Variants in SETD5 observed in about 807,000 individuals in gnomAD.
SETD5 encodes the protein histone-lysine N-methyltransferase SETD5.
In SETD5, 44 loss-of-function variants were observed where a neutral mutation model predicts 153.3. That is an observed-to-expected ratio of 0.29 (90% confidence interval 0.23 to 0.37). The LOEUF is 0.37. SETD5 is among the 10% of genes least tolerant of loss of function. The pLI is 1.00. For missense variants in SETD5, 1,544 were observed against 1,768.0 expected (o/e 0.87, Z 2.27); for synonymous variants, 716 against 645.2 (o/e 1.11, Z -1.66).
At chr3:9,412,400 T>TG (rs1270066735) in intron 1 of SETD5, among the ~76,000 whole-genome samples, 12 of 137,512 alleles carry the variant, frequency 8.7e-5, no homozygotes, top group Non-Finnish European at 1.4e-4. Context: ...TTTTTTTTTT[T>TG]TTTTTTTTTT....
intron 7 of SETD5, among the ~76,000 whole-genome samples, chr3:9,437,210 G>A (rs1257793555): frequency 6.6e-6 from 1 of 152,122 alleles, no homozygotes; most frequent in Non-Finnish European, 1.5e-5. Flanking sequence ...TAGGAGTGGA[G>A]TTTTTCTGGT....
At chr3:9,440,394 C>G (rs569195479) in intron 7 of SETD5, 62 bp from the exon 8 acceptor site, 2 of 877,026 alleles carry the variant, frequency 2.3e-6, no homozygotes, top group South Asian at 1.5e-5. Context: ...TGTCCCACCC[C>G]CATTCCCAAC....
At chr3:9,457,831 TC>T (rs2043450376) in intron 17 of SETD5, among the ~76,000 whole-genome samples, 1 of 151,110 alleles carries the variant, frequency 6.6e-6, no homozygotes, top group Non-Finnish European at 1.5e-5. Flanking sequence ...TATATATATT[TC>T]TTTCTCTTTC....
intron 1 of SETD5, among the ~76,000 whole-genome samples, chr3:9,415,379 T>C (rs2037256039): frequency 6.6e-6 from 1 of 152,122 alleles, no homozygotes; most frequent in South Asian, 2.1e-4. Flanking sequence ...TTTTTAATGC[T>C]TTAGATGACA....
At chr3:9,449,947 G>A (rs10514666) in intron 16 of SETD5, among the ~76,000 whole-genome samples, 2,006 of 152,276 alleles carry the variant, frequency 0.013, 73 homozygotes, top group Admixed American at 0.087. Context: ...GGTCCTTTAA[G>A]GAGTGTAGGC....
At chr3:9,399,250 T>C (rs2034323007) in intron 1 of SETD5, among the ~76,000 whole-genome samples, 1 of 152,228 alleles carries the variant, frequency 6.6e-6, no homozygotes, top group African/African-American at 2.4e-5. Context: ...TGCTGAGCTT[T>C]TTAGGAGAGT....
intron 14 of SETD5, 84 bp downstream of exon 14, chr3:9,447,391 T>G: frequency 6.6e-7 from 1 of 1,513,280 alleles, no homozygotes; most frequent in Non-Finnish European, 8.8e-7. Context: ...TTAAAATCAG[T>G]GTTTTCAGCT....
intron 19 of SETD5, 106 bp from the exon 20 acceptor site, chr3:9,473,130 G>C: frequency 7.4e-7 from 1 of 1,358,266 alleles, no homozygotes; most frequent in South Asian, 1.5e-5. Flanking sequence ...GGCTTGGCTA[G>C]TGGTTTACTA....
chr3:9,416,280 T>C (rs991991093), intron 1 of SETD5, among the ~76,000 whole-genome samples: 1 of 152,226 alleles, frequency 6.6e-6, no homozygotes, highest in Admixed American at 6.5e-5. Flanking sequence ...GCCGTCACTT[T>C]TGTGATATAA....
At chr3:9,437,545 G>GTC (rs1266237224) in intron 7 of SETD5, among the ~76,000 whole-genome samples, 1 of 151,776 alleles carries the variant, frequency 6.6e-6, no homozygotes, top group Non-Finnish European at 1.5e-5. Context: ...GTGTGTGTGT[G>GTC]TGTGTATAAA....
intron 13 of SETD5, among the ~76,000 whole-genome samples, chr3:9,446,402 A>T (rs1260422874): frequency 6.6e-6 from 1 of 151,624 alleles, no homozygotes; most frequent in Non-Finnish European, 1.5e-5. Context: ...TGAGTTCTGA[A>T]GTTTTTTTAA....
chr3:9,415,506 T>C (rs1158028523), intron 1 of SETD5, among the ~76,000 whole-genome samples: 1 of 152,210 alleles, frequency 6.6e-6, no homozygotes, highest in Non-Finnish European at 1.5e-5. Context: ...GATTTTATTT[T>C]GCTCAGTAAC....
Position 9,464,450 on chromosome 3 carries a change from G to A in SETD5, c.2502G>A (p.Trp834Ter). 1 of 1,612,040 alleles carries A rather than the reference G, an allele frequency of 6.2e-7. No homozygotes were observed. The change falls in exon 18 of 23, where the codon TGG becomes TGA. Residue 834 changes from tryptophan to a stop codon, truncating the protein, a stop_gained. Transcript: ENST00000402198. LOFTEE classifies it high-confidence loss of function. ...ACTTGTTGAGCCCATTAAAGAAATG[G>A]AAGTCTCGCTATCTGATGGAGCAGA... Reference protein sequence around the residue: ...NADLLSPLKKWKSRYLMEQNV... With the variant: ...NADLLSPLKK
intron 10 of SETD5, chr3:9,443,088 A>G: frequency 2.4e-6 from 1 of 416,888 alleles, no homozygotes; most frequent in Non-Finnish European, 4.4e-6. Context: ...CTAACATCTC[A>G]AGGTTTCTCC....
chr3:9,453,668 T>C, intron 16 of SETD5, 71 bp from the exon 17 acceptor site: 3 of 1,412,338 alleles, frequency 2.1e-6, no homozygotes, highest in Non-Finnish European at 2.9e-6. Context: ...CCAGTTGATG[T>C]ACATTTAAAA....
rs771164384 is a variant in SETD5 at position 9,473,495 on chromosome 3, C to T, written c.3455C>T (p.Ser1152Phe). 11 of 1,613,646 alleles carry T rather than the reference C, an allele frequency of 6.8e-6. No individual in the cohort carries two copies. Among genetic ancestry groups the T allele is most frequent in the Non-Finnish European group, 9.3e-6 (11 of 1,179,842 alleles). Residue 1152 changes from serine (S) to phenylalanine (F), a missense_variant, in exon 20 of 23, where the codon TCT becomes TTT. This residue lies in a region of SETD5 where 93 missense variants were observed against 93.4 expected (regional missense o/e 1.00). Transcript: ENST00000402198. The part of the protein sequence containing the change: ...AVSPSDSRGT[S>F]SSHCRPQENI... Reference sequence around the variant, plus strand: ...AGCCCATCAGATTCCAGAGGCACTTCTTCATCTCACTGCAGACCTCAAGAG... The same window carrying T: ...AGCCCATCAGATTCCAGAGGCACTTTTTCATCTCACTGCAGACCTCAAGAG...
rs569430092 is a variant in SETD5 at position 9,476,257 on chromosome 3, G to A, written c.*166G>A. ...AGACTTGTGGTCACAATTGGCCTCT[G>A]GCCTTGGAGAAAGCTGTAAATCTTG... is the stretch of plus-strand genomic sequence containing the variant. On this transcript the variant is annotated 3_prime_UTR_variant, in exon 23 of 23. Coordinates refer to ENST00000402198, the MANE Select transcript of SETD5 (RefSeq NM_001080517.3). 114 of 922,044 alleles carry A rather than the reference G, an allele frequency of 1.2e-4. 2 individuals are homozygous for A. In the South Asian group the frequency reaches 2.0e-3, roughly 16 times the overall value. 57.1% of individuals were successfully genotyped at this position (922,044 alleles called of 1,614,324 possible).
chr3:9,400,508 A>G (rs759581900), intron 1 of SETD5, among the ~76,000 whole-genome samples: 4 of 152,216 alleles, frequency 2.6e-5, no homozygotes, highest in Non-Finnish European at 4.4e-5. Flanking sequence ...CATTTACCTT[A>G]TAGACGATTT....
chr3:9,455,359 G>T (rs144063352), intron 17 of SETD5, among the ~76,000 whole-genome samples: 5,203 of 151,226 alleles, frequency 0.034, 336 homozygotes, highest in African/African-American at 0.12. Flanking sequence ...GCCCACCTCG[G>T]CTTCCCAAAG....
Sources: allele counts gnomAD v4.1 joint callset (sites outside exome capture counted in the v4.1 genomes callset), GRCh38; gene constraint gnomAD v4.1.1; regional missense constraint gnomAD v4.1.1; transcripts MANE v1.5; gene names NCBI Gene and HGNC (gene_info 2026-07-23, HGNC 2026-07-21).